LRRC28: variants seen among roughly 807,000 people sequenced by gnomAD.
LRRC28 encodes leucine rich repeat containing 28.
In LRRC28, 39 loss-of-function variants were observed where a neutral mutation model predicts 45.7. The ratio of observed to expected loss-of-function variants is 0.85; its 90% CI spans 0.66 to 1.12. LRRC28 has a LOEUF of 1.12. Among genes scored for constraint, LRRC28 ranks in the 50% most tolerant of loss-of-function variants. The pLI is 0.00. For missense variants in LRRC28, 435 were observed against 438.5 expected, an observed-to-expected ratio of 0.99 and a Z score of 0.07; for synonymous variants, 206 against 178.8, an observed-to-expected ratio of 1.15 and a Z score of -1.22.
At chr15:99,270,375 G>T (rs919739025) in intron 2 of LRRC28, among the ~76,000 whole-genome samples, 1 of 151,986 alleles carries the variant, frequency 6.6e-6, no homozygotes, top group East Asian at 1.9e-4. Context: ...CAAACATTTC[G>T]TTCACTCCAG....
chr15:99,385,062 C>A (rs1165410806), intron 9 of LRRC28, among the ~76,000 whole-genome samples: 1 of 152,180 alleles, frequency 6.6e-6, no homozygotes, highest in African/African-American at 2.4e-5. Flanking sequence ...GCAAAGGGAG[C>A]TCTCTCTGGA....
At chr15:99,277,013 A>C (rs995790716) in intron 3 of LRRC28, among the ~76,000 whole-genome samples, 1 of 152,154 alleles carries the variant, frequency 6.6e-6, no homozygotes, top group African/African-American at 2.4e-5. Flanking sequence ...CTTTTCCTGC[A>C]TCCTCCACGC....
At chr15:99,303,749 G>A (rs539137837) in intron 5 of LRRC28, among the ~76,000 whole-genome samples, 1 of 152,028 alleles carries the variant, frequency 6.6e-6, no homozygotes, top group African/African-American at 2.4e-5. Context: ...CAGGAGAATC[G>A]CATGAATCCG....
At chr15:99,275,115 ATAT>A (rs1301797667) in intron 2 of LRRC28, among the ~76,000 whole-genome samples, 1 of 151,760 alleles carries the variant, frequency 6.6e-6, no homozygotes, top group African/African-American at 2.4e-5. Flanking sequence ...AGAGAGAGAG[ATAT>A]TATATGTATA....
intron 5 of LRRC28, among the ~76,000 whole-genome samples, chr15:99,296,881 G>A (rs574076412): frequency 1.6e-4 from 24 of 152,214 alleles, no homozygotes; most frequent in East Asian, 7.7e-4. Context: ...AGTATTGAGT[G>A]TGTTATTGTA....
chr15:99,353,317 T>C (rs1956945095), intron 7 of LRRC28, among the ~76,000 whole-genome samples: 1 of 152,174 alleles, frequency 6.6e-6, no homozygotes. Flanking sequence ...CTATGAGTAG[T>C]TCTGGCAAGA....
chr15:99,322,951 T>G (rs537046872), intron 5 of LRRC28, among the ~76,000 whole-genome samples: 68 of 152,344 alleles, frequency 4.5e-4, no homozygotes, highest in Admixed American at 2.4e-3. Context: ...TTGACCACTT[T>G]GTTGATGCTG....
At position 99,347,956 on chromosome 15, in the gene LRRC28, T is replaced by A. The variant is rs549151863; in HGVS notation, c.593-4413T>A. On this transcript the variant is annotated intron_variant, in intron 6 of 9. Transcript: ENST00000301981. ...GCAACATTTGTTATCTCTTATCTTTTTTATAATAGCCATCCTTATAGGTAT... is the reference window on the plus strand; with the variant it reads ...GCAACATTTGTTATCTCTTATCTTTATTATAATAGCCATCCTTATAGGTAT... Among the ~76,000 whole-genome samples the A allele has an allele frequency of 3.1e-4, 47 of 152,346 alleles. No individual in the cohort carries two copies. The South Asian group carries it at 8.9e-3, about 29-fold the overall frequency.
intron 5 of LRRC28, among the ~76,000 whole-genome samples, chr15:99,291,841 T>C (rs1034036742): frequency 1.3e-5 from 2 of 152,260 alleles, no homozygotes; most frequent in African/African-American, 4.8e-5. Context: ...ACATTTGGTG[T>C]TGTCTGTTTG....
intron 2 of LRRC28, among the ~76,000 whole-genome samples, chr15:99,260,183 A>AT (rs570311108): frequency 1.3e-3 from 192 of 152,044 alleles, no homozygotes; most frequent in African/African-American, 3.9e-3. Flanking sequence ...TTTTTAGTTG[A>AT]TTTTTTTTAA....
At chr15:99,327,967 A>C (rs62023810) in intron 5 of LRRC28, among the ~76,000 whole-genome samples, 29,894 of 152,110 alleles carry the variant, frequency 0.2, 3,310 homozygotes, top group African/African-American at 0.31. Flanking sequence ...TTATTTTATT[A>C]TTATGGGTTA....
At chr15:99,299,853 A>G (rs1349755001) in intron 5 of LRRC28, among the ~76,000 whole-genome samples, 1 of 152,170 alleles carries the variant, frequency 6.6e-6, no homozygotes, top group Non-Finnish European at 1.5e-5. Flanking sequence ...TTTTGTAGGT[A>G]GTAGGAAAAC....
intron 9 of LRRC28, among the ~76,000 whole-genome samples, chr15:99,376,077 A>G (rs1567709615): frequency 6.6e-6 from 1 of 152,116 alleles, no homozygotes; most frequent in Non-Finnish European, 1.5e-5. Context: ...CTTCTTTGTA[A>G]TGTAAGCATT....
chr15:99,330,242 G>T (rs988815052), intron 5 of LRRC28, among the ~76,000 whole-genome samples: 1 of 152,004 alleles, frequency 6.6e-6, no homozygotes, highest in Non-Finnish European at 1.5e-5. Context: ...TAGGATTTTG[G>T]CCCAAGCCCA....
intron 4 of LRRC28, 93 bp downstream of exon 4, chr15:99,287,387 T>A: frequency 1.1e-6 from 1 of 950,190 alleles, no homozygotes; most frequent in South Asian, 2.0e-5. Context: ...ACACCTTTAA[T>A]TTTTTAGCTT....
At chr15:99,307,321 C>T (rs1361805416) in intron 5 of LRRC28, among the ~76,000 whole-genome samples, 1 of 152,134 alleles carries the variant, frequency 6.6e-6, no homozygotes, top group East Asian at 1.9e-4. Flanking sequence ...TTGTCAAATC[C>T]CACGGACTTG....
intron 2 of LRRC28, among the ~76,000 whole-genome samples, chr15:99,263,387 T>C: frequency 6.6e-6 from 1 of 151,024 alleles, no homozygotes; most frequent in Non-Finnish European, 1.5e-5. Context: ...CCTTAGAAAA[T>C]GTTTTAAATA....
chr15:99,352,469 T>G lies in LRRC28; in HGVS notation c.693T>G (p.Ser231Arg), dbSNP rs746887547. The G allele has an allele frequency of 8.1e-6, 13 of 1,605,692 alleles. No individual in the cohort carries two copies. Among genetic ancestry groups the G allele is most frequent in the Admixed American group, 5.1e-5 (3 of 58,326 alleles). ...SYLYNKVIGC[S>R]GCGAPIQVSE... ...TGTACAATAAAGTCATCGGGTGCAGTGGGTAAGGCCGATTTCACATTTTGA... is the reference window on the plus strand; with the variant it reads ...TGTACAATAAAGTCATCGGGTGCAGGGGGTAAGGCCGATTTCACATTTTGA... Residue 231 changes from serine to arginine, a missense_variant and splice_region_variant, in exon 7 of 10, where the codon AGT becomes AGG. Ser to Arg is a moderately radical substitution (Grantham distance 110). Coordinates refer to ENST00000301981, the MANE Select transcript of LRRC28 (RefSeq NM_144598.5).
At chr15:99,254,589 G>A (rs958721118) in intron 1 of LRRC28, among the ~76,000 whole-genome samples, 1 of 152,206 alleles carries the variant, frequency 6.6e-6, no homozygotes, top group Admixed American at 6.5e-5. Flanking sequence ...CATTTCCTTA[G>A]TATCCTGTGG....
Sources: gnomAD v4.1 joint callset for allele counts (sites outside exome capture counted in the v4.1 genomes callset) on GRCh38, gnomAD v4.1.1 for gene constraint, MANE v1.5 for transcripts, NCBI Gene and HGNC (gene_info 2026-07-23, HGNC 2026-07-21) for gene names.